Variants in INPP5B observed in about 807,000 individuals in gnomAD.
The protein encoded by INPP5B is inositol polyphosphate-5-phosphatase B.
INPP5B carries 90 observed loss-of-function variants against 118.5 expected under a neutral mutation model. That is an observed-to-expected ratio of 0.76 (90% confidence interval 0.64 to 0.90). The LOEUF (loss-of-function observed/expected upper bound fraction) is 0.90, where lower values mean the gene tolerates loss of function less well. INPP5B is among the 40% of genes least tolerant of loss of function. The pLI, the probability that INPP5B is intolerant of heterozygous loss-of-function variation, is 0.00. For missense variants in INPP5B, 984 were observed against 1,125.6 expected (o/e 0.87, Z 1.80); for synonymous variants, 385 against 418.9 (o/e 0.92, Z 0.99).
intron 2 of INPP5B, 101 bp downstream of exon 2, chr1:37,946,151 G>T: frequency 9.0e-7 from 1 of 1,105,838 alleles, no homozygotes. Flanking sequence ...CTCCCCTGAT[G>T]GTTCAGAGGG....
At chr1:37,924,885 A>C (rs1013416114) in intron 7 of INPP5B, among the ~76,000 whole-genome samples, 7 of 152,154 alleles carry the variant, frequency 4.6e-5, no homozygotes, top group African/African-American at 1.7e-4. Context: ...TAAAAATATA[A>C]AAATTAGTCC....
chr1:37,879,406 G>A (rs1046947467), intron 15 of INPP5B, among the ~76,000 whole-genome samples: 1 of 151,918 alleles, frequency 6.6e-6, no homozygotes, highest in African/African-American at 2.4e-5. Flanking sequence ...CTCATAAAAT[G>A]AGGTTAATAA....
chr1:37,875,453 A>G (rs1392340614), intron 17 of INPP5B, among the ~76,000 whole-genome samples, 153 bp downstream of exon 17: 1 of 152,116 alleles, frequency 6.6e-6, no homozygotes, highest in East Asian at 1.9e-4. Context: ...TATTTTTAGT[A>G]GAGACAGGGT....
chr1:37,904,863 G>A (rs1644453985), intron 7 of INPP5B, among the ~76,000 whole-genome samples: 1 of 149,058 alleles, frequency 6.7e-6, no homozygotes, highest in Non-Finnish European at 1.5e-5. Context: ...GGAAACAAGA[G>A]CACAACTCCA....
Position 37,879,253 on chromosome 1 carries a change from A to G in INPP5B, c.1541+832T>C, listed in dbSNP as rs549849541. On this transcript the variant is annotated intron_variant, in intron 15 of 23. Transcript: ENST00000373024. Reference sequence around the variant, plus strand: ...TGCCACTGCACTACAGCCTGGCGACAGAGTGAGACTCCGTCTCAAAAAAAA... The same window carrying G: ...TGCCACTGCACTACAGCCTGGCGACGGAGTGAGACTCCGTCTCAAAAAAAA... Among the ~76,000 whole-genome samples the G allele has an allele frequency of 2.6e-5, 4 of 151,264 alleles. No individual in the cohort carries two copies. In the South Asian group the frequency reaches 8.4e-4, roughly 32 times the overall value.
At position 37,932,071 on chromosome 1, in the gene INPP5B, G is replaced by C. The variant is rs1245029814; in HGVS notation, c.392-18C>G. 1.3e-5 allele frequency: 21 copies of C among 1,560,262 alleles called. No homozygotes were observed. The highest frequency in any genetic ancestry group is 1.6e-5 in the Non-Finnish European group (19 of 1,153,982). On this transcript the variant is annotated intron_variant, in intron 6 of 23. Coordinates refer to ENST00000373024, the MANE Select transcript of INPP5B (RefSeq NM_005540.3). Reference sequence around the variant, plus strand: ...ATCGAAGCCTGTGCAGGAACAAATGGGGGCAGACTGAGCCACGAGCTTGAA... The same window carrying C: ...ATCGAAGCCTGTGCAGGAACAAATGCGGGCAGACTGAGCCACGAGCTTGAA...
rs1643607912 is a variant in INPP5B, at chr1:37,887,436, G to C, written c.929C>G (p.Ala310Gly). The C allele has an allele frequency of 1.2e-6, 2 of 1,612,996 alleles. No homozygotes were observed. Among genetic ancestry groups the C allele is most frequent in the Non-Finnish European group, 1.7e-6 (2 of 1,179,346 alleles). Residue 310 changes from alanine (A) to glycine (G), a missense_variant, in exon 11 of 24, where the codon GCT becomes GGT. Transcript: ENST00000373024. Reference sequence around the variant, plus strand: ...CTTTGGGGTATCGTGAAAGAAAAAAGCTTCCTTACTCAGATCAAGCTCCTG... The same window carrying C: ...CTTTGGGGTATCGTGAAAGAAAAAACCTTCCTTACTCAGATCAAGCTCCTG... ...GFQELDLSKE[A>G]FFFHDTPKEE... is the part of the protein sequence containing the mutation.
intron 7 of INPP5B, among the ~76,000 whole-genome samples, chr1:37,895,696 G>T (rs1644009697): frequency 6.6e-6 from 1 of 152,124 alleles, no homozygotes; most frequent in Admixed American, 6.5e-5. Context: ...TATTTTTTTG[G>T]TGGAGACGGG....
At chr1:37,911,177 T>C (rs1644684833) in intron 7 of INPP5B, among the ~76,000 whole-genome samples, 1 of 152,166 alleles carries the variant, frequency 6.6e-6, no homozygotes, top group Non-Finnish European at 1.5e-5. Flanking sequence ...TTAGAGGCCC[T>C]CAAAATCACA....
At chr1:37,865,279 A>G (rs1393743535) in intron 22 of INPP5B, among the ~76,000 whole-genome samples, 1 of 152,142 alleles carries the variant, frequency 6.6e-6, no homozygotes, top group African/African-American at 2.4e-5. Context: ...GGCCTGTTGT[A>G]TGTGTGAACC....
At chr1:37,941,735 G>A (rs571500779) in intron 5 of INPP5B, among the ~76,000 whole-genome samples, 1 of 147,734 alleles carries the variant, frequency 6.8e-6, no homozygotes, top group Non-Finnish European at 1.5e-5. Context: ...TCAGGAGATC[G>A]AGACCATCCT....
chr1:37,900,437 T>C (rs569305433), intron 7 of INPP5B, among the ~76,000 whole-genome samples: 40 of 151,274 alleles, frequency 2.6e-4, no homozygotes, highest in African/African-American at 9.5e-4. Context: ...GTATTTTTAG[T>C]AGAGACGGGG....
intron 7 of INPP5B, among the ~76,000 whole-genome samples, chr1:37,925,214 A>G (rs1324799044): frequency 6.6e-6 from 1 of 151,906 alleles, no homozygotes; most frequent in Non-Finnish European, 1.5e-5. Flanking sequence ...AAATAAAAAC[A>G]AAAAGAGAAA....
At chr1:37,881,268 T>G (rs1165855940) in intron 14 of INPP5B, among the ~76,000 whole-genome samples, 1 of 152,252 alleles carries the variant, frequency 6.6e-6, no homozygotes, top group Non-Finnish European at 1.5e-5. Flanking sequence ...TTTGGATTTA[T>G]AATAGAATCT....
rs1361113744 is a variant in INPP5B at position 37,862,356 on chromosome 1, C to A, written c.2701G>T (p.Ala901Ser). Residue 901 changes from alanine to serine, a missense_variant, in exon 24 of 24, where the codon GCT becomes TCT. Physicochemically the swap from Ala to Ser is moderately conservative, Grantham distance 99. This residue lies in a region of INPP5B where 634 missense variants were observed against 791.0 expected (regional missense o/e 0.80). Transcript: ENST00000373024. The stretch of plus-strand genomic sequence containing the variant: ...AGGAACTGGTGAATAAATTCTTGAG[C>A]CTTCTTCTTCTCTGTCATATCAAGC... The part of the protein sequence containing the change: ...QKLDMTEKKK[A>S]QEFIHQFLCN... 10 of 1,613,792 alleles carry A rather than the reference C, an allele frequency of 6.2e-6. No homozygotes were observed. Among genetic ancestry groups the A allele is most frequent in the South Asian group, 1.1e-5 (1 of 91,072 alleles).
chr1:37,926,485 C>G (rs1157229514), intron 7 of INPP5B, among the ~76,000 whole-genome samples: 2 of 151,996 alleles, frequency 1.3e-5, no homozygotes, highest in East Asian at 3.9e-4. Flanking sequence ...GGTTTCACCA[C>G]GTTGGCCAGG....
intron 7 of INPP5B, among the ~76,000 whole-genome samples, chr1:37,909,023 G>A (rs28818567): frequency 0.037 from 5,606 of 152,142 alleles, 285 homozygotes; most frequent in African/African-American, 0.12. Flanking sequence ...CTACAACACC[G>A]CTTGGCCCCA....
At chr1:37,870,177 G>A (rs951959549) in intron 19 of INPP5B, among the ~76,000 whole-genome samples, 8 of 150,310 alleles carry the variant, frequency 5.3e-5, no homozygotes, top group Non-Finnish European at 1.0e-4. Context: ...ACTGTCTTGC[G>A]CTATCGCTCA....
At chr1:37,946,382 T>G in intron 1 of INPP5B, 48 bp from the exon 2 acceptor site, 1 of 1,410,334 alleles carries the variant, frequency 7.1e-7, no homozygotes, top group Non-Finnish European at 9.8e-7. Context: ...AAGTTACGCA[T>G]GGGGTGGTGG....
Sources: gnomAD v4.1 joint callset for allele counts (sites outside exome capture counted in the v4.1 genomes callset) on GRCh38, gnomAD v4.1.1 for gene constraint, gnomAD v4.1.1 regional missense constraint, MANE v1.5 for transcripts, NCBI Gene and HGNC (gene_info 2026-07-23, HGNC 2026-07-21) for gene names.